The following SNTA1 variants were observed in gnomAD, a reference collection of about 807,000 sequenced individuals.
SNTA1 encodes the protein syntrophin alpha 1.
A neutral mutation model predicts 47.1 loss-of-function variants in SNTA1; 31 were observed. That is an observed-to-expected ratio of 0.66 (90% CI 0.49 to 0.89). SNTA1 has a LOEUF of 0.89. Among genes scored for constraint, SNTA1 ranks in the 40% least tolerant of loss-of-function variants. The pLI is 0.00. For missense variants in SNTA1, 575 were observed against 693.0 expected (o/e 0.83, Z 1.91); for synonymous variants, 300 against 313.6 (o/e 0.96, Z 0.46).
At chr20:33,408,674 A>C (rs778966634) in intron 7 of SNTA1, 27 bp downstream of exon 7, 10 of 1,612,242 alleles carry the variant, frequency 6.2e-6, no homozygotes, top group African/African-American at 1.3e-5. Flanking sequence ...CCTCCTCCCC[A>C]GGGTGCAGAG....
intron 2 of SNTA1, among the ~76,000 whole-genome samples, chr20:33,427,833 A>G (rs763886478): frequency 3.3e-5 from 5 of 152,106 alleles, no homozygotes; most frequent in Non-Finnish European, 5.9e-5. Flanking sequence ...TCATAGCTAT[A>G]TCCTTGGTGC....
intron 1 of SNTA1, among the ~76,000 whole-genome samples, chr20:33,442,626 A>G (rs561941194): frequency 3.9e-5 from 6 of 152,158 alleles, no homozygotes; most frequent in Admixed American, 1.3e-4. Flanking sequence ...GACTTTTGCA[A>G]CCTCACACAG....
chr20:33,438,825 G>A lies in SNTA1; in HGVS notation c.496+16C>T. On this transcript the variant is annotated intron_variant, in intron 2 of 7. Transcript: ENST00000217381. ...CTCCACCCAGCCCCTCTGAACCCTGGAACGTCAGTGCTTACCCTCCAGCAC... is the reference window on the plus strand; with the variant it reads ...CTCCACCCAGCCCCTCTGAACCCTGAAACGTCAGTGCTTACCCTCCAGCAC... 1 of 1,610,290 alleles carries A rather than the reference G, an allele frequency of 6.2e-7. No individual in the cohort carries two copies. The highest frequency in any genetic ancestry group is 1.3e-5 in the African/African-American group (1 of 74,916).
intron 2 of SNTA1, among the ~76,000 whole-genome samples, chr20:33,427,912 GA>G (rs1203473118): frequency 6.6e-6 from 1 of 151,932 alleles, no homozygotes; most frequent in Non-Finnish European, 1.5e-5. Flanking sequence ...AAATCCATGG[GA>G]TTTTTTTTTT....
Position 33,443,380 on chromosome 20 carries a change from G to C in SNTA1, c.241C>G (p.Leu81Val). ...GAGPPQLPEA[L>V]LLQRRRVTVR... The stretch of plus-strand genomic sequence containing the variant: ...GTCACGCGGCGCCGCTGGAGCAGTA[G>C]CGCCTCTGGCAGCTGCGGGGGCCCG... The change falls in exon 1 of 8, where the codon CTA becomes GTA. Residue 81 changes from leucine to valine, a missense_variant. Leu to Val is a conservative substitution (Grantham distance 32). Coordinates refer to ENST00000217381, the MANE Select transcript of SNTA1 (RefSeq NM_003098.3). The C allele has an allele frequency of 7.1e-7, 1 of 1,417,528 alleles. No individual in the cohort carries two copies. Among genetic ancestry groups the C allele is most frequent in the South Asian group, 1.4e-5 (1 of 69,528 alleles). 87.8% of individuals were successfully genotyped at this position (1,417,528 alleles called of 1,614,324 possible).
At chr20:33,433,645 GT>G (rs1205338354) in intron 2 of SNTA1, among the ~76,000 whole-genome samples, 1 of 152,142 alleles carries the variant, frequency 6.6e-6, no homozygotes, top group Admixed American at 6.6e-5. Context: ...AGGGAAGGGT[GT>G]TTTCCTTGAG....
intron 2 of SNTA1, among the ~76,000 whole-genome samples, chr20:33,424,239 G>A (rs1990107550): frequency 6.6e-6 from 1 of 150,662 alleles, no homozygotes; most frequent in Admixed American, 6.6e-5. Flanking sequence ...GCTTGAACGT[G>A]GGAGGCAGAG....
chr20:33,435,458 C>T (rs998340160), intron 2 of SNTA1, among the ~76,000 whole-genome samples: 2 of 151,954 alleles, frequency 1.3e-5, no homozygotes, highest in Non-Finnish European at 2.9e-5. Flanking sequence ...TTAACCAGGC[C>T]GTGGTGGTGC....
chr20:33,410,326 A>C lies in SNTA1; in HGVS notation c.1046T>G (p.Val349Gly), dbSNP rs776440719. 6.2e-7 allele frequency: 1 copy of C among 1,601,288 alleles called. No homozygotes were observed. Among genetic ancestry groups the C allele is most frequent in the South Asian group, 1.1e-5 (1 of 89,670 alleles). The change falls in exon 6 of 8, where the codon GTG becomes GGG. Residue 349 changes from valine to glycine, a missense_variant. By Grantham distance (109) the Val-to-Gly change is moderately radical. Transcript: ENST00000217381. Reference protein sequence around the residue: ...RTAPLIATRLVHSGPSKGSVP... With the variant: ...RTAPLIATRLGHSGPSKGSVP... ...TGAGCCCTTGGAGGGGCCTGAGTGC[A>C]CCAGTCTGGGGGTTGGGGGCAGAGG...
intron 6 of SNTA1, among the ~76,000 whole-genome samples, chr20:33,409,305 G>T (rs1989679670): frequency 1.3e-5 from 2 of 152,086 alleles, no homozygotes; most frequent in Admixed American, 1.3e-4. Flanking sequence ...AATGAGGCTG[G>T]GTGTCCTGTA....
chr20:33,413,371 A>AC (rs1234840291), intron 3 of SNTA1, among the ~76,000 whole-genome samples: 35 of 149,198 alleles, frequency 2.3e-4, no homozygotes, highest in African/African-American at 8.2e-4. Flanking sequence ...TCAAATGATC[A>AC]CCCCGCCTTC....
At chr20:33,441,285 T>C (rs544644022) in intron 1 of SNTA1, among the ~76,000 whole-genome samples, 1 of 152,270 alleles carries the variant, frequency 6.6e-6, no homozygotes. Flanking sequence ...TATTTGCACC[T>C]AGGCCTCCAG....
At chr20:33,440,348 C>T (rs1260462983) in intron 1 of SNTA1, among the ~76,000 whole-genome samples, 1 of 151,810 alleles carries the variant, frequency 6.6e-6, no homozygotes, top group Non-Finnish European at 1.5e-5. Context: ...CCCAGTTACT[C>T]GGGAGGCTGA....
intron 5 of SNTA1, 33 bp downstream of exon 5, chr20:33,412,263 T>TGGGGGAGACATACTGCCC (rs1416654214): frequency 1.3e-6 from 2 of 1,599,550 alleles, no homozygotes; most frequent in African/African-American, 2.7e-5. Context: ...TGGCAAGTTC[T>TGGGGGAGACATACTGCCC]GGGGGAGACA....
intron 2 of SNTA1, among the ~76,000 whole-genome samples, chr20:33,432,169 C>T (rs1990325834): frequency 6.6e-6 from 1 of 152,212 alleles, no homozygotes; most frequent in African/African-American, 2.4e-5. Context: ...CACAGCATGA[C>T]TCAGCTAAGT....
At chr20:33,422,669 C>T (rs191456136) in intron 2 of SNTA1, among the ~76,000 whole-genome samples, 1 of 152,096 alleles carries the variant, frequency 6.6e-6, no homozygotes, top group East Asian at 1.9e-4. Flanking sequence ...GTCCTAGGTA[C>T]TTGGGAGGGT....
At position 33,423,474 on chromosome 20, in the gene SNTA1, C is replaced by A. The variant is rs531471040; in HGVS notation, c.497-5551G>T. On this transcript the variant is annotated intron_variant, in intron 2 of 7. Transcript: ENST00000217381. Reference sequence around the variant, plus strand: ...AAGATAGGCCCGGCCAGTGCCCCCACCCTCCCCAGCCAAGCCCCTGGCCTG... The same window carrying A: ...AAGATAGGCCCGGCCAGTGCCCCCAACCTCCCCAGCCAAGCCCCTGGCCTG... Among the ~76,000 whole-genome samples, 8 of 152,328 alleles carry A rather than the reference C, an allele frequency of 5.3e-5. No homozygotes were observed. In the South Asian group the frequency reaches 1.7e-3, roughly 32 times the overall value.
At chr20:33,429,900 C>G (rs955255523) in intron 2 of SNTA1, among the ~76,000 whole-genome samples, 2 of 152,112 alleles carry the variant, frequency 1.3e-5, no homozygotes, top group African/African-American at 4.8e-5. Context: ...GTAGCTGGGA[C>G]TACAGGAATG....
intron 1 of SNTA1, among the ~76,000 whole-genome samples, chr20:33,441,809 G>A (rs1163077167): frequency 6.6e-6 from 1 of 152,140 alleles, no homozygotes; most frequent in Non-Finnish European, 1.5e-5. Flanking sequence ...CTGCAGAATG[G>A]AATTCTGTAT....
Sources: gnomAD v4.1 joint callset for allele counts (sites outside exome capture counted in the v4.1 genomes callset) on GRCh38, gnomAD v4.1.1 for gene constraint, MANE v1.5 for transcripts, NCBI Gene and HGNC (gene_info 2026-07-23, HGNC 2026-07-21) for gene names.